The following AKAIN1 variants were observed in gnomAD, a reference collection of about 807,000 sequenced individuals.
AKAIN1 encodes the protein A-kinase anchor protein inhibitor 1.
AKAIN1 carries 3 observed loss-of-function variants against 3.7 expected under a neutral mutation model. The observed-to-expected ratio is 0.82, with a 90% confidence interval of 0.37 to 2.12. The LOEUF is 2.12. Ranked by LOEUF, AKAIN1 falls within the 30% of genes most tolerant of loss-of-function variation. The pLI is 0.06. For synonymous variants in AKAIN1, 31 were observed against 30.8 expected (o/e 1.01, Z -0.02); for missense variants, 82 against 82.7 (o/e 0.99, Z 0.03).
intron 1 of AKAIN1, among the ~76,000 whole-genome samples, chr18:5,165,101 G>C (rs567773655): frequency 6.6e-6 from 1 of 152,100 alleles, no homozygotes; most frequent in South Asian, 2.1e-4. Context: ...TGCCAGGCTA[G>C]TAGGTAGCAG....
intron 1 of AKAIN1, among the ~76,000 whole-genome samples, chr18:5,161,863 T>C (rs2071141284): frequency 6.6e-6 from 1 of 152,136 alleles, no homozygotes; most frequent in Non-Finnish European, 1.5e-5. Context: ...TCTTTAATTC[T>C]TTGGATAAAC....
At position 5,145,656 on chromosome 18, in the gene AKAIN1, T is replaced by C. The variant is rs993610569; in HGVS notation, c.116A>G (p.Gln39Arg). 3 of 1,551,532 alleles carry C rather than the reference T, an allele frequency of 1.9e-6. No homozygotes were observed. In the African/African-American group the frequency reaches 4.1e-5, roughly 21 times the overall value. Residue 39 changes from glutamine to arginine, a missense_variant, in exon 2 of 2, where the codon CAG becomes CGG. Transcript: ENST00000434239. ...AILQAVQQVS[Q>R]ESQRREERIS... ...TCTCTCTTCTCTGCGCTGACTCTCC[T>C]GGGAGACTTGCTGCACAGCTTGCAG...
intron 1 of AKAIN1, among the ~76,000 whole-genome samples, chr18:5,187,988 G>A (rs1039296825): frequency 1.3e-5 from 2 of 152,024 alleles, no homozygotes; most frequent in Non-Finnish European, 2.9e-5. Flanking sequence ...CATAGGATAG[G>A]CATTCCCATT....
chr18:5,169,035 G>A (rs2071182889), intron 1 of AKAIN1, among the ~76,000 whole-genome samples: 1 of 151,830 alleles, frequency 6.6e-6, no homozygotes, highest in South Asian at 2.1e-4. Flanking sequence ...AGGATGGCAA[G>A]TCTAAAATAT....
chr18:5,168,875 A>C lies in AKAIN1; in HGVS notation c.17-23120T>G, dbSNP rs200411710. ...ATGAGGCAATTCATTAAAAAAAAAA[A>C]AAAAGCAAACAAACAAAAACAACAA... On this transcript the variant is annotated intron_variant, in intron 1 of 1. Coordinates refer to ENST00000434239, the MANE Select transcript of AKAIN1 (RefSeq NM_001145194.2). Among the ~76,000 whole-genome samples the C allele has an allele frequency of 9.8e-4, 146 of 148,642 alleles. 3 individuals carry two copies. In the East Asian group the frequency reaches 0.021, roughly 21 times the overall value.
chr18:5,158,150 C>G (rs2071119036), intron 1 of AKAIN1, among the ~76,000 whole-genome samples: 1 of 152,204 alleles, frequency 6.6e-6, no homozygotes, highest in Non-Finnish European at 1.5e-5. Flanking sequence ...CAACATTGTC[C>G]CGTGTGCCCA....
chr18:5,187,828 T>C (rs988635530), intron 1 of AKAIN1, among the ~76,000 whole-genome samples: 2 of 152,116 alleles, frequency 1.3e-5, no homozygotes, highest in Non-Finnish European at 2.9e-5. Flanking sequence ...TATTCCAGCA[T>C]CAATTCAAAA....
intron 1 of AKAIN1, among the ~76,000 whole-genome samples, chr18:5,175,167 G>A (rs1323312737): frequency 6.6e-6 from 1 of 152,110 alleles, no homozygotes; most frequent in African/African-American, 2.4e-5. Context: ...CTGCAGAGAG[G>A]AGATGTGTAC....
chr18:5,196,945 C>G, intron 1 of AKAIN1, 93 bp downstream of exon 1: 1 of 1,138,976 alleles, frequency 8.8e-7, no homozygotes, highest in African/African-American at 1.5e-5. Context: ...CGCAGATGGG[C>G]CGTAAGGTAA....
chr18:5,192,847 A>C (rs527741805), intron 1 of AKAIN1, among the ~76,000 whole-genome samples: 3 of 152,306 alleles, frequency 2.0e-5, no homozygotes, highest in African/African-American at 7.2e-5. Context: ...AGAAAAACTA[A>C]GTGCAATGAA....
chr18:5,181,594 A>C (rs1248835302), intron 1 of AKAIN1, among the ~76,000 whole-genome samples: 2 of 152,110 alleles, frequency 1.3e-5, no homozygotes, highest in Non-Finnish European at 2.9e-5. Flanking sequence ...TAAGATGCTA[A>C]ACCTCTAAGG....
intron 1 of AKAIN1, among the ~76,000 whole-genome samples, chr18:5,158,774 G>C (rs1437580006): frequency 6.6e-6 from 1 of 152,204 alleles, no homozygotes; most frequent in South Asian, 2.1e-4. Context: ...CTGAGGCTCT[G>C]TAGTCATGAG....
chr18:5,181,455 T>C (rs1054691756), intron 1 of AKAIN1, among the ~76,000 whole-genome samples: 4 of 152,162 alleles, frequency 2.6e-5, no homozygotes, highest in Non-Finnish European at 4.4e-5. Flanking sequence ...CATTTACTTA[T>C]ATAAAGTCGT....
intron 1 of AKAIN1, among the ~76,000 whole-genome samples, chr18:5,193,903 C>A (rs1038790768): frequency 6.6e-6 from 1 of 152,142 alleles, no homozygotes; most frequent in South Asian, 2.1e-4. Context: ...TTGGTTGTGT[C>A]ACCCCCTTTC....
rs554491696 is a variant in AKAIN1 at position 5,145,286 on chromosome 18, G to T, written c.*276C>A. The T allele has an allele frequency of 3.6e-4, 109 of 302,958 alleles. No individual in the cohort carries two copies. In the Middle Eastern group the frequency reaches 3.9e-3, roughly 11 times the overall value. The allele number at this position is 302,958 out of a possible 1,614,324, so 18.8% of individuals were successfully genotyped here. ...ATAGAATTCTTTTTTTCAAATAAAAGAACTTTAAAAATAAATTGGCCTGCA... is the reference window on the plus strand; with the variant it reads ...ATAGAATTCTTTTTTTCAAATAAAATAACTTTAAAAATAAATTGGCCTGCA... On this transcript the variant is annotated 3_prime_UTR_variant, in exon 2 of 2. Transcript: ENST00000434239.
At chr18:5,165,658 G>A (rs1304656491) in intron 1 of AKAIN1, among the ~76,000 whole-genome samples, 1 of 152,010 alleles carries the variant, frequency 6.6e-6, no homozygotes, top group Non-Finnish European at 1.5e-5. Flanking sequence ...GATATGCTAA[G>A]AATAGGTACA....
intron 1 of AKAIN1, among the ~76,000 whole-genome samples, chr18:5,176,460 A>ACAAAC (rs1284903532): frequency 6.6e-6 from 1 of 151,954 alleles, no homozygotes; most frequent in African/African-American, 2.4e-5. Context: ...AAACAAACAA[A>ACAAAC]AAAAACAAAC....
intron 1 of AKAIN1, among the ~76,000 whole-genome samples, chr18:5,192,411 TTC>T (rs748767194): frequency 5.0e-5 from 6 of 119,878 alleles, no homozygotes; most frequent in South Asian, 6.3e-4. Flanking sequence ...CTTTCTTTCT[TTC>T]TTTCTTTCTT....
chr18:5,188,592 C>T (rs148471907), intron 1 of AKAIN1, among the ~76,000 whole-genome samples: 1 of 152,228 alleles, frequency 6.6e-6, no homozygotes, highest in East Asian at 1.9e-4. Context: ...CCTATCAGGC[C>T]TTGCTGCAAA....
Sources: allele counts gnomAD v4.1 joint callset (sites outside exome capture counted in the v4.1 genomes callset), GRCh38; gene constraint gnomAD v4.1.1; transcripts MANE v1.5; gene names NCBI Gene and HGNC (gene_info 2026-07-23, HGNC 2026-07-21).